Variants in PLAGL1 observed in about 807,000 individuals in gnomAD.
PLAGL1 encodes zinc finger protein PLAGL1.
PLAGL1 carries 1 observed loss-of-function variant against 4.6 expected under a neutral mutation model. The ratio of observed to expected loss-of-function variants is 0.22; its 90% confidence interval spans 0.08 to 1.03. The LOEUF (loss-of-function observed/expected upper bound fraction) is 1.03. Ranked by LOEUF, PLAGL1 falls within the 50% of genes least tolerant of loss-of-function variation. The pLI is 0.58. For synonymous variants in PLAGL1, 240 were observed against 237.8 expected (o/e 1.01, Z -0.08); for missense variants, 464 against 570.4 (o/e 0.81, Z 1.90).
intron 1 of PLAGL1, among the ~76,000 whole-genome samples, chr6:144,030,281 A>AAAAAAAAGAAG (rs1296064916): frequency 1.5e-5 from 2 of 132,902 alleles, no homozygotes; most frequent in African/African-American, 6.3e-5. Context: ...AAAAAAAAAA[A>AAAAAAAAGAAG]AAGAAGATGT....
rs924012305 is a variant in PLAGL1 at position 143,972,951 on chromosome 6, C to T, written c.-543-3973G>A. The stretch of plus-strand genomic sequence containing the variant: ...GTGACAAAACCTCCATTGTTCATTA[C>T]ACACTAGCCCCAAACTTGAGTAATT... On this transcript the variant is annotated intron_variant, in intron 2 of 7. Coordinates refer to ENST00000674357, the MANE Select transcript of PLAGL1 (RefSeq NM_001317162.2). The surrounding 1 kb of genome is among the most constrained non-coding windows in gnomAD (Gnocchi z 6.8). Among the ~76,000 whole-genome samples, 1 of 152,188 alleles carries T rather than the reference C, an allele frequency of 6.6e-6. No homozygotes were observed. Among genetic ancestry groups the T allele is most frequent in the Non-Finnish European group, 1.5e-5 (1 of 68,030 alleles).
rs556887561 is a variant in PLAGL1 at position 143,941,954 on chromosome 6, A to G, written c.862T>C (p.Ser288Pro). The G allele has an allele frequency of 1.0e-5, 16 of 1,601,012 alleles. No individual in the cohort carries two copies. In the South Asian group the frequency reaches 1.8e-4, roughly 18 times the overall value. ...LPESLASLHP[S>P]VSPGSPPPPL... ...GGCGGAGGAGAGCCAGGGGATACCGAGGGGTGGAGGGAGGCCAGGGACTCT... is the reference window on the plus strand; with the variant it reads ...GGCGGAGGAGAGCCAGGGGATACCGGGGGGTGGAGGGAGGCCAGGGACTCT... The change falls in exon 8 of 8, where the codon TCG (serine) becomes CCG (proline). Residue 288 changes from serine (S) to proline (P), a missense_variant. By Grantham distance (74) the Ser-to-Pro change is moderately conservative. Around this residue, in one of 4 missense-constraint regions of PLAGL1, gnomAD observed 248 missense variants for 250.1 expected, o/e 0.99. Coordinates refer to ENST00000674357, the MANE Select transcript of PLAGL1 (RefSeq NM_001317162.2). The surrounding 1 kb of genome is among the most constrained non-coding windows in gnomAD (Gnocchi z 6.0).
chr6:143,960,655 CAGG>C lies in PLAGL1; in HGVS notation c.-398-116_-398-114del, dbSNP rs1200042504. On this transcript the variant is annotated intron_variant, in intron 5 of 7. Coordinates refer to ENST00000674357, the MANE Select transcript of PLAGL1 (RefSeq NM_001317162.2). The surrounding 1 kb of genome is among the most constrained non-coding windows in gnomAD (Gnocchi z 5.7). ...GCACACACACGACTGGCGATGTGCA[CAGG>C]AGATTTTCTAGTGTTTTTTCATGCA... 3 of 152,224 alleles carry C rather than the reference CAGG, an allele frequency of 2.0e-5. No homozygotes were observed. Among genetic ancestry groups the C allele is most frequent in the Non-Finnish European group, 2.9e-5 (2 of 68,034 alleles). The allele number at this position is 152,224 out of a possible 1,614,324, so 9.4% of individuals were successfully genotyped here.
In PLAGL1 at chr6:143,995,547, C is replaced by T. The variant is rs1583529052; in HGVS notation, c.-583-10373G>A. The stretch of plus-strand genomic sequence containing the variant: ...TCAAAGTTTGAAATTATGTTTACCT[C>T]CTATAAATATTTGTTGAATAAATTT... On this transcript the variant is annotated intron_variant, in intron 1 of 7. Coordinates refer to ENST00000674357, the MANE Select transcript of PLAGL1 (RefSeq NM_001317162.2). The surrounding 1 kb of genome is among the most constrained non-coding windows in gnomAD (Gnocchi z 4.4). Among the ~76,000 whole-genome samples the T allele has an allele frequency of 1.3e-5, 2 of 152,010 alleles. No individual in the cohort carries two copies. Among genetic ancestry groups the T allele is most frequent in the East Asian group, 3.8e-4 (2 of 5,204 alleles).
chr6:144,044,955 T>C (rs1248872833), intron 1 of PLAGL1, among the ~76,000 whole-genome samples: 1 of 151,706 alleles, frequency 6.6e-6, no homozygotes, highest in East Asian at 1.9e-4. Context: ...TTGATCTTTG[T>C]TGGTTTAAAG....
intron 1 of PLAGL1, among the ~76,000 whole-genome samples, chr6:144,032,910 A>G (rs562529380): frequency 6.6e-6 from 1 of 152,270 alleles, no homozygotes; most frequent in Admixed American, 6.5e-5. Context: ...GTAAACCCTG[A>G]GAGGTAAGAG....
At position 143,959,453 on chromosome 6, in the gene PLAGL1, A is replaced by C. The variant is rs1167891184; in HGVS notation, c.-325+1016T>G. The stretch of plus-strand genomic sequence containing the variant: ...CACCCCACCCCAACTCCCAGCCCTA[A>C]CTAGAACTGCTAGGTCCTAGTAGAT... On this transcript the variant is annotated intron_variant, in intron 6 of 7. Transcript: ENST00000674357. This position sits in a 1 kb window ranked among gnomAD's most constrained non-coding sequence, Gnocchi z 5.3. 2.0e-5 allele frequency among the ~76,000 whole-genome samples: 3 copies of C among 152,110 alleles called. No individual in the cohort carries two copies. The highest frequency in any genetic ancestry group is 7.2e-5 in the African/African-American group (3 of 41,420).
At position 143,985,247 on chromosome 6, in the gene PLAGL1, T is replaced by C. The variant is rs1194855342; in HGVS notation, c.-583-73A>G. ...GCATTTGTTAATTATAATTTTGAGATCACTGTAGGTTCATATGCAATTTTA... is the reference window on the plus strand; with the variant it reads ...GCATTTGTTAATTATAATTTTGAGACCACTGTAGGTTCATATGCAATTTTA... On this transcript the variant is annotated intron_variant, in intron 1 of 7. Transcript: ENST00000674357. This position sits in a 1 kb window ranked among gnomAD's most constrained non-coding sequence, Gnocchi z 4.4. The C allele has an allele frequency of 6.6e-6, 1 of 152,226 alleles. No individual in the cohort carries two copies. Among genetic ancestry groups the C allele is most frequent in the East Asian group, 1.9e-4 (1 of 5,204 alleles). The allele number at this position is 152,226 out of a possible 1,614,324, so 9.4% of individuals were successfully genotyped here.
At chr6:144,046,890 A>C (rs1431474401) in intron 1 of PLAGL1, among the ~76,000 whole-genome samples, 3 of 152,164 alleles carry the variant, frequency 2.0e-5, no homozygotes, top group Non-Finnish European at 4.4e-5. Context: ...TACCTACTCA[A>C]GCCTCAGCAA....
rs1797277738 is a variant in PLAGL1, at chr6:144,036,786, C to T, written c.-151+27682G>A. On this transcript the variant is annotated intron_variant, in intron 1 of 3. Transcript: ENST00000437412. This position sits in a 1 kb window ranked among gnomAD's most constrained non-coding sequence, Gnocchi z 5.1. ...CTCTAAGACAAGCAAGAAGGCAGAC[C>T]TGCTAAATGCCCATTATGACACTAT... 2.9e-6 allele frequency: 1 copy of T among 339,528 alleles called. No individual in the cohort carries two copies. The highest frequency in any genetic ancestry group is 5.6e-6 in the Non-Finnish European group (1 of 177,582). 21.0% of individuals were successfully genotyped at this position (339,528 alleles called of 1,614,324 possible).
rs941914233 is a variant in PLAGL1, at chr6:144,055,983, T to C, written c.-151+8485A>G. On this transcript the variant is annotated intron_variant, in intron 1 of 3. Transcript: ENST00000437412. The surrounding 1 kb of genome is among the most constrained non-coding windows in gnomAD (Gnocchi z 5.0). ...GAAAGCAGATCCACCCTTTTCATAA[T>C]GATATATCAGAAGTTCAACATATAA... is the stretch of plus-strand genomic sequence containing the variant. Among the ~76,000 whole-genome samples, 3 of 152,120 alleles carry C rather than the reference T, an allele frequency of 2.0e-5. No homozygotes were observed. The highest frequency in any genetic ancestry group is 7.2e-5 in the African/African-American group (3 of 41,426).
rs542346968 is a variant in PLAGL1, at chr6:143,942,928, C to T, written c.153-265G>A. On this transcript the variant is annotated intron_variant, in intron 7 of 7. Coordinates refer to ENST00000674357, the MANE Select transcript of PLAGL1 (RefSeq NM_001317162.2). The surrounding 1 kb of genome is among the most constrained non-coding windows in gnomAD (Gnocchi z 7.6). The stretch of plus-strand genomic sequence containing the variant: ...TTGCCCAGGCTGGAGTGCAGTGGCA[C>T]GATCATGGCTCACTGCAGCCTCAAC... Among the ~76,000 whole-genome samples, 12 of 152,022 alleles carry T rather than the reference C, an allele frequency of 7.9e-5. No individual in the cohort carries two copies. Among genetic ancestry groups the T allele is most frequent in the South Asian group, 4.2e-4 (2 of 4,808 alleles).
In PLAGL1 at chr6:143,952,069, C is replaced by T. The variant is rs556902532; in HGVS notation, c.-324-3609G>A. Among the ~76,000 whole-genome samples the T allele has an allele frequency of 1.1e-4, 16 of 152,204 alleles. No homozygotes were observed. The East Asian group carries it at 1.2e-3, about 11-fold the overall frequency. On this transcript the variant is annotated intron_variant, in intron 6 of 7. Transcript: ENST00000674357. The surrounding 1 kb of genome is among the most constrained non-coding windows in gnomAD (Gnocchi z 6.1). The stretch of plus-strand genomic sequence containing the variant: ...ACTGTCTACCCCAACAGACTATAAA[C>T]GCTTTGTGGCTGAGGGTCAAAGCTT...
In PLAGL1 at chr6:143,942,138, G is replaced by T. The variant is rs1778761028; in HGVS notation, c.678C>A (p.His226Gln). ...LQTGDLLSTF[H>Q]TISPSFQLKA... ...TCAGTTGGAATGAAGGCGAGATGGT[G>T]TGGAAGGTGCTCAGAAGGTCTCCGG... Residue 226 changes from histidine (H) to glutamine (Q), a missense_variant, in exon 8 of 8, where the codon CAC becomes CAA. By Grantham distance (24) the His-to-Gln change is conservative (BLOSUM62 0). This residue lies in a region of PLAGL1 where 248 missense variants were observed against 250.1 expected (regional missense o/e 0.99). Transcript: ENST00000674357. This position sits in a 1 kb window ranked among gnomAD's most constrained non-coding sequence, Gnocchi z 7.6. The T allele has an allele frequency of 3.7e-6, 6 of 1,614,082 alleles. No homozygotes were observed. The highest frequency in any genetic ancestry group is 5.1e-6 in the Non-Finnish European group (6 of 1,180,034).
Position 144,022,241 on chromosome 6 carries a change from A to C in PLAGL1, c.-151+42227T>G, listed in dbSNP as rs1233861253. ...AAAAGATGGGCAAAGATCTGAACAG[A>C]CAGCTCACCAGAGGAGATATGTAGA... On this transcript the variant is annotated intron_variant, in intron 1 of 3. Coordinates refer to the PLAGL1 transcript ENST00000437412. This position sits in a 1 kb window ranked among gnomAD's most constrained non-coding sequence, Gnocchi z 4.2. 1.3e-5 allele frequency among the ~76,000 whole-genome samples: 2 copies of C among 152,248 alleles called. No homozygotes were observed. Among genetic ancestry groups the C allele is most frequent in the Admixed American group, 6.5e-5 (1 of 15,292 alleles).
At position 144,000,309 on chromosome 6, in the gene PLAGL1, T is replaced by C. The variant is rs1387921014; in HGVS notation, c.-584+7781A>G. Among the ~76,000 whole-genome samples the C allele has an allele frequency of 6.6e-6, 1 of 151,764 alleles. No individual in the cohort carries two copies. Among genetic ancestry groups the C allele is most frequent in the Non-Finnish European group, 1.5e-5 (1 of 67,944 alleles). On this transcript the variant is annotated intron_variant, in intron 1 of 7. Transcript: ENST00000674357. The surrounding 1 kb of genome is among the most constrained non-coding windows in gnomAD (Gnocchi z 4.1). The stretch of plus-strand genomic sequence containing the variant: ...AACAAAAGAATAAGAGATTTGAAGA[T>C]CAGAAGGAAAAGAAAAAAATCATTT...
upstream of PLAGL1, among the ~76,000 whole-genome samples, chr6:144,011,234 C>A (rs1162704560): frequency 1.3e-5 from 2 of 151,466 alleles, no homozygotes; most frequent in African/African-American, 4.8e-5. This position sits in a 1 kb window ranked among gnomAD's most constrained non-coding sequence, Gnocchi z 4.3. Flanking sequence ...CCAGAATCTA[C>A]AAAGCACTTA....
chr6:143,948,258 C>T lies in PLAGL1; in HGVS notation c.-122G>A, dbSNP rs191543871. ...GTCCCTGCAGCTGAACTCCAGACCA[C>T]GGGAGAGGCAGCATCGTGGGCCTGG... On this transcript the variant is annotated 5_prime_UTR_variant, in exon 7 of 8. The change creates a new upstream start codon in the 5' untranslated region. Transcript: ENST00000674357. The surrounding 1 kb of genome is among the most constrained non-coding windows in gnomAD (Gnocchi z 6.0). The T allele has an allele frequency of 1.3e-4, 104 of 828,292 alleles. No homozygotes were observed. Among genetic ancestry groups the T allele is most frequent in the Non-Finnish European group, 1.8e-4 (91 of 513,448 alleles). The allele number at this position is 828,292 out of a possible 1,614,324, so 51.3% of individuals were successfully genotyped here. A position where few individuals can be genotyped will look rare whatever the true frequency, so the allele number is the denominator to read the frequency against.
At chr6:144,026,762 A>C (rs1796372744) in intron 1 of PLAGL1, among the ~76,000 whole-genome samples, 1 of 152,242 alleles carries the variant, frequency 6.6e-6, no homozygotes, top group Admixed American at 6.5e-5. Flanking sequence ...GTTAGTGCTT[A>C]ATCCTTTGGA....
Sources: gnomAD v4.1 joint callset for allele counts (sites outside exome capture counted in the v4.1 genomes callset) on GRCh38, gnomAD v4.1.1 for gene constraint, gnomAD v4.1.1 regional missense constraint, Gnocchi (gnomAD v3.1) non-coding constraint, MANE v1.5 for transcripts, NCBI Gene and HGNC (gene_info 2026-07-23, HGNC 2026-07-21) for gene names.